Variants in CPNE7 observed in about 807,000 individuals in gnomAD.
CPNE7 encodes the protein copine 7.
CPNE7 carries 78 observed loss-of-function variants against 66.5 expected under a neutral mutation model. That is an observed-to-expected ratio of 1.17 (90% confidence interval 0.98 to 1.42). The LOEUF (loss-of-function observed/expected upper bound fraction) is 1.42, where lower values mean the gene tolerates loss of function less well. Ranked by LOEUF, CPNE7 falls within the 40% of genes most tolerant of loss-of-function variation. The pLI, the probability that CPNE7 is intolerant of heterozygous loss-of-function variation, is 0.00. For missense variants in CPNE7, 1,012 were observed against 776.6 expected, an observed-to-expected ratio of 1.30 and a Z score of -3.60; for synonymous variants, 468 against 336.7, an observed-to-expected ratio of 1.39 and a Z score of -4.27.
chr16:89,591,363 C>T (rs578111533), intron 13 of CPNE7, 103 bp downstream of exon 13: 2 of 1,415,042 alleles, frequency 1.4e-6, no homozygotes, highest in East Asian at 2.5e-5. Context: ...ACAGCCAGCG[C>T]AGAGGCCCCC....
chr16:89,586,919 G>T, intron 8 of CPNE7, 124 bp from the exon 9 acceptor site: 1 of 1,097,160 alleles, frequency 9.1e-7, no homozygotes, highest in African/African-American at 1.6e-5. Flanking sequence ...AGAGGATGGG[G>T]GAGAGGAGAG....
chr16:89,596,007 A>C (rs1050553901), intron 14 of CPNE7: 2 of 481,708 alleles, frequency 4.2e-6, no homozygotes, highest in Admixed American at 2.4e-5. Context: ...GTGAGGTTCT[A>C]CCAGGCAAGA....
At chr16:89,589,753 C>T (rs1254903382) in intron 10 of CPNE7, 144 bp from the exon 11 acceptor site, 7 of 817,478 alleles carry the variant, frequency 8.6e-6, no homozygotes, top group African/African-American at 3.4e-5. Flanking sequence ...CCTCGGTTCC[C>T]CACCTCTGGC....
intron 2 of CPNE7, 143 bp from the exon 3 acceptor site, chr16:89,583,554 G>T: frequency 6.3e-7 from 1 of 1,586,992 alleles, no homozygotes; most frequent in South Asian, 1.1e-5. Context: ...CACAAAGGGG[G>T]CGCGGGCCCT....
At chr16:89,588,885 A>G (rs936943315) in intron 10 of CPNE7, 77 bp downstream of exon 10, 7 of 1,493,968 alleles carry the variant, frequency 4.7e-6, no homozygotes, top group African/African-American at 4.4e-5. Context: ...CTTCCCCCTC[A>G]CCCCCCTGGT....
chr16:89,593,732 G>A (rs891991764), intron 13 of CPNE7, among the ~76,000 whole-genome samples: 2 of 152,172 alleles, frequency 1.3e-5, no homozygotes, highest in African/African-American at 2.4e-5. Flanking sequence ...CAGATTTCAG[G>A]AAATTGAATT....
intron 2 of CPNE7, among the ~76,000 whole-genome samples, chr16:89,580,956 GC>G (rs1176830268): frequency 2.5e-5 from 3 of 120,974 alleles, no homozygotes; most frequent in South Asian, 2.7e-4. Context: ...CCCGTCACCC[GC>G]TGACATGGAA....
chr16:89,587,532 T>C (rs755974199), intron 9 of CPNE7: 4 of 453,230 alleles, frequency 8.8e-6, no homozygotes, highest in South Asian at 6.2e-5. Context: ...AGGGCTTACC[T>C]TCCACAAACA....
At chr16:89,588,862 T>C in intron 10 of CPNE7, 54 bp downstream of exon 10, 1 of 1,601,072 alleles carries the variant, frequency 6.2e-7, no homozygotes, top group Non-Finnish European at 8.5e-7. Flanking sequence ...CTATGACAGG[T>C]GCGCCTGGCC....
chr16:89,585,132 C>T (rs1597702411), intron 5 of CPNE7, among the ~76,000 whole-genome samples: 1 of 152,172 alleles, frequency 6.6e-6, no homozygotes, highest in South Asian at 2.1e-4. Context: ...GGGATTTCAG[C>T]GACGGCAGGG....
At chr16:89,577,826 A>G (rs528637744) in intron 2 of CPNE7, 105 bp downstream of exon 2, 6 of 1,114,322 alleles carry the variant, frequency 5.4e-6, no homozygotes, top group South Asian at 1.5e-5. Flanking sequence ...GGGGTGGCCA[A>G]CCTGGCTCTG....
intron 1 of CPNE7, 149 bp from the exon 2 acceptor site, chr16:89,577,390 C>A: frequency 1.3e-6 from 1 of 776,378 alleles, no homozygotes; most frequent in Non-Finnish European, 2.0e-6. Context: ...GGATTGTGGT[C>A]CCATGGACAG....
chr16:89,596,845 G>C lies in CPNE7; in HGVS notation c.*224G>C. On this transcript the variant is annotated 3_prime_UTR_variant, in exon 15 of 15. Coordinates refer to ENST00000319518, the MANE Select transcript of CPNE7 (RefSeq NM_153636.3). ...CAGGCCCCCATGCCTGGCCCTGCCTGAGCCAGGTGGGTGGAGGGAGGGAGA... is the reference window on the plus strand; with the variant it reads ...CAGGCCCCCATGCCTGGCCCTGCCTCAGCCAGGTGGGTGGAGGGAGGGAGA... 2.1e-6 allele frequency: 1 copy of C among 475,474 alleles called. No individual in the cohort carries two copies. The highest frequency in any genetic ancestry group is 3.6e-6 in the Non-Finnish European group (1 of 280,700). The allele number at this position is 475,474 out of a possible 1,614,324, so 29.5% of individuals were successfully genotyped here.
At chr16:89,594,517 C>T (rs1051609740) in intron 13 of CPNE7, among the ~76,000 whole-genome samples, 2 of 152,050 alleles carry the variant, frequency 1.3e-5, no homozygotes, top group Non-Finnish European at 1.5e-5. Context: ...TGTGGGCTCC[C>T]GCTCTGCTGC....
chr16:89,576,458 C>T (rs1324317332), intron 1 of CPNE7, among the ~76,000 whole-genome samples: 1 of 146,658 alleles, frequency 6.8e-6, no homozygotes. Flanking sequence ...CGACGGGGGG[C>T]GGGAGGCTGG....
chr16:89,596,207 CG>C (rs1407792249), intron 14 of CPNE7, among the ~76,000 whole-genome samples: 1 of 152,208 alleles, frequency 6.6e-6, no homozygotes, highest in African/African-American at 2.4e-5. Flanking sequence ...CAGGCTTTGC[CG>C]GGGAAGTGTG....
At position 89,590,089 on chromosome 16, in the gene CPNE7, G is replaced by A. The variant is rs144320855; in HGVS notation, c.1116+138G>A. 77 of 981,716 alleles carry A rather than the reference G, an allele frequency of 7.8e-5. No homozygotes were observed. The East Asian group carries it at 1.9e-3, about 24-fold the overall frequency. The allele number at this position is 981,716 out of a possible 1,614,324, so 60.8% of individuals were successfully genotyped here. A position where few individuals can be genotyped will look rare whatever the true frequency, so the allele number is the denominator to read the frequency against. The stretch of plus-strand genomic sequence containing the variant: ...AGGATGGGATTGGGGTGCAAAGCGG[G>A]AACCCCAGCCTTCTAGCCAGAGAGG... On this transcript the variant is annotated intron_variant, in intron 11 of 14. Transcript: ENST00000319518.
At chr16:89,591,343 G>C (rs925495079) in intron 13 of CPNE7, 83 bp downstream of exon 13, 6 of 1,451,018 alleles carry the variant, frequency 4.1e-6, no homozygotes, top group Non-Finnish European at 5.4e-6. Context: ...GGAGGCACCT[G>C]GCAGAGGGAA....
At chr16:89,586,525 C>T in intron 7 of CPNE7, 145 bp from the exon 8 acceptor site, 1 of 637,594 alleles carries the variant, frequency 1.6e-6, no homozygotes. Context: ...TCTGCCCCTT[C>T]CTGCTGCCCT....
Sources: gnomAD v4.1 joint callset for allele counts (sites outside exome capture counted in the v4.1 genomes callset) on GRCh38, gnomAD v4.1.1 for gene constraint, MANE v1.5 for transcripts, NCBI Gene and HGNC (gene_info 2026-07-23, HGNC 2026-07-21) for gene names.